The following ANOS1 variants were observed in gnomAD, a reference collection of about 807,000 sequenced individuals.
ANOS1 encodes anosmin 1, also known as anosmin-1.
A neutral mutation model predicts 59.0 loss-of-function variants in ANOS1; 6 were observed. The ratio of observed to expected loss-of-function variants is 0.10; its 90% confidence interval spans 0.06 to 0.20. ANOS1 has a LOEUF of 0.20. ANOS1 is among the 10% of genes least tolerant of loss of function. The pLI is 1.00. For missense variants in ANOS1, 433 were observed against 542.3 expected (o/e 0.80, Z 2.00); for synonymous variants, 217 against 223.4 (o/e 0.97, Z 0.25).
intron 3 of ANOS1, among the ~76,000 whole-genome samples, chrX:8,612,173 T>A (rs1234760127): frequency 3.6e-5 from 4 of 111,957 alleles, no homozygotes; most frequent in African/African-American, 1.3e-4. Flanking sequence ...AAATCCTAAG[T>A]TTTGTCTTAA....
chrX:8,634,789 TATA>T (rs1478480379), intron 2 of ANOS1, among the ~76,000 whole-genome samples: 2 of 111,852 alleles, frequency 1.8e-5, no homozygotes, highest in African/African-American at 6.5e-5. Context: ...CTATTATGGA[TATA>T]AATCTATGGG....
chrX:8,668,333 T>C (rs1356100824), intron 2 of ANOS1, among the ~76,000 whole-genome samples: 2 of 101,722 alleles, frequency 2.0e-5, no homozygotes, highest in East Asian at 6.1e-4. Context: ...GTTTCTAATC[T>C]CATCCAGGTT....
At chrX:8,570,759 G>T (rs1930217764) in intron 6 of ANOS1, 55 bp from the exon 7 acceptor site, 7 of 1,019,651 alleles carry the variant, frequency 6.9e-6, no homozygotes, top group Non-Finnish European at 9.6e-6. Context: ...AACATCTTTG[G>T]ACATGTAATG....
Position 8,569,283 on chromosome X carries a change from C to T in ANOS1, c.1063-907G>A, listed in dbSNP as rs1276725920. Among the ~76,000 whole-genome samples the T allele has an allele frequency of 4.5e-5, 5 of 112,200 alleles. 1 individual carries two copies. Among genetic ancestry groups the T allele is most frequent in the Non-Finnish European group, 7.5e-5 (4 of 53,266 alleles). ...TCTTCCAGCTCATGCAATAAGTGTG[C>T]ACTACCATTATCATTTGTAGCAAAA... On this transcript the variant is annotated intron_variant, in intron 7 of 13. Coordinates refer to ENST00000262648, the MANE Select transcript of ANOS1 (RefSeq NM_000216.4).
At chrX:8,579,621 T>C (rs190734203) in intron 6 of ANOS1, among the ~76,000 whole-genome samples, 228 of 111,639 alleles carry the variant, frequency 2.0e-3, no homozygotes, top group African/African-American at 7.3e-3. Flanking sequence ...ACCCTGACTT[T>C]CTTGTGCTAG....
intron 7 of ANOS1, 52 bp downstream of exon 7, chrX:8,570,447 A>C: frequency 9.3e-7 from 1 of 1,074,060 alleles, no homozygotes; most frequent in East Asian, 3.0e-5. Flanking sequence ...AGTTGCCTTG[A>C]GTTGAAATAC....
At chrX:8,601,125 G>A (rs375904592) in intron 3 of ANOS1, among the ~76,000 whole-genome samples, 80 of 106,751 alleles carry the variant, frequency 7.5e-4, no homozygotes, top group African/African-American at 2.6e-3. Context: ...CCTGGGAGGC[G>A]GAGCTTGCAG....
chrX:8,556,676 G>C (rs1255683781), intron 8 of ANOS1, among the ~76,000 whole-genome samples: 6 of 111,719 alleles, frequency 5.4e-5, no homozygotes, highest in Non-Finnish European at 1.1e-4. Flanking sequence ...GGAAATAAGA[G>C]AGGACACAAA....
intron 8 of ANOS1, among the ~76,000 whole-genome samples, chrX:8,556,832 A>T (rs1929957637): frequency 8.9e-6 from 1 of 112,141 alleles, no homozygotes; most frequent in Non-Finnish European, 1.9e-5. Flanking sequence ...AACTACTTTA[A>T]ATTTTATATG....
intron 8 of ANOS1, among the ~76,000 whole-genome samples, chrX:8,567,115 G>A (rs746553441): frequency 3.6e-5 from 4 of 111,868 alleles, no homozygotes; most frequent in African/African-American, 1.3e-4. Flanking sequence ...AGTTCTAACC[G>A]GTATCGACGT....
At chrX:8,714,497 T>TA (rs1032495839) in intron 1 of ANOS1, among the ~76,000 whole-genome samples, 2 of 110,336 alleles carry the variant, frequency 1.8e-5, no homozygotes, top group Non-Finnish European at 3.8e-5. Context: ...CTATAACCAT[T>TA]AAAAAAAAAT....
In ANOS1 at chrX:8,575,332, A is replaced by C. The variant is rs771138894; in HGVS notation, c.857-4628T>G. Among the ~76,000 whole-genome samples the C allele has an allele frequency of 8.0e-5, 9 of 112,395 alleles. No homozygotes were observed. The South Asian group carries it at 3.3e-3, about 41-fold the overall frequency. ...TCACTTCAAGGCAAGAGAAGAATTA[A>C]AATGTGTGAAAATAACAGCCGTTCG... On this transcript the variant is annotated intron_variant, in intron 6 of 13. Transcript: ENST00000262648.
At chrX:8,588,394 T>C (rs1601966688) in intron 4 of ANOS1, among the ~76,000 whole-genome samples, 1 of 111,650 alleles carries the variant, frequency 9.0e-6, no homozygotes, top group Admixed American at 9.6e-5. Context: ...TTTTTTATCA[T>C]GCTCTGTGTC....
At chrX:8,703,085 C>T (rs1466527175) in intron 1 of ANOS1, among the ~76,000 whole-genome samples, 1 of 112,318 alleles carries the variant, frequency 8.9e-6, no homozygotes, top group African/African-American at 3.2e-5. Context: ...CTGGATTCCT[C>T]TTTGGAGTTT....
At chrX:8,668,976 C>A (rs1334719169) in intron 2 of ANOS1, among the ~76,000 whole-genome samples, 1 of 112,111 alleles carries the variant, frequency 8.9e-6, no homozygotes, top group East Asian at 2.8e-4. Context: ...TTAACTTCCT[C>A]CTTGCTTATC....
intron 3 of ANOS1, among the ~76,000 whole-genome samples, chrX:8,616,070 T>C (rs1034849920): frequency 1.5e-4 from 17 of 110,620 alleles, no homozygotes; most frequent in Non-Finnish European, 1.7e-4. Flanking sequence ...TAATGCTCAC[T>C]GAAATGTTTC....
At position 8,620,898 on chromosome X, in the gene ANOS1, C is replaced by T. The variant is rs746332941; in HGVS notation, c.318+2710G>A. Among the ~76,000 whole-genome samples, 4 of 112,090 alleles carry T rather than the reference C, an allele frequency of 3.6e-5. No homozygotes were observed. In the South Asian group the frequency reaches 1.5e-3, roughly 42 times the overall value. Reference sequence around the variant, plus strand: ...GGTTCAGAACACCTCACAGTTACCTCAGAGAATGGCAATTACAGAAACCTG... The same window carrying T: ...GGTTCAGAACACCTCACAGTTACCTTAGAGAATGGCAATTACAGAAACCTG... On this transcript the variant is annotated intron_variant, in intron 3 of 13. Coordinates refer to ENST00000262648, the MANE Select transcript of ANOS1 (RefSeq NM_000216.4).
chrX:8,631,351 T>A (rs1198095580), intron 2 of ANOS1, among the ~76,000 whole-genome samples: 2 of 112,130 alleles, frequency 1.8e-5, no homozygotes, highest in Non-Finnish European at 1.9e-5. Flanking sequence ...GCTAAATCTA[T>A]GAACTACACA....
At chrX:8,689,542 A>G (rs1344562954) in intron 2 of ANOS1, among the ~76,000 whole-genome samples, 2 of 108,613 alleles carry the variant, frequency 1.8e-5, no homozygotes, top group Non-Finnish European at 1.9e-5. Context: ...ACAAATAATA[A>G]TAATAATAAT....
Sources: gnomAD v4.1 joint callset for allele counts (sites outside exome capture counted in the v4.1 genomes callset) on GRCh38, gnomAD v4.1.1 for gene constraint, MANE v1.5 for transcripts, NCBI Gene and HGNC (gene_info 2026-07-23, HGNC 2026-07-21) for gene names.